Variants in CIT observed in about 807,000 individuals in gnomAD.
CIT encodes the protein citron rho-interacting serine/threonine kinase.
In CIT, 79 loss-of-function variants were observed where a neutral mutation model predicts 272.7. The ratio of observed to expected loss-of-function variants is 0.29; its 90% CI spans 0.24 to 0.35. The LOEUF (loss-of-function observed/expected upper bound fraction) is 0.35. Among genes scored for constraint, CIT ranks in the 10% least tolerant of loss-of-function variants. The pLI is 1.00. For missense variants in CIT, 1,909 were observed against 2,618.3 expected, an observed-to-expected ratio of 0.73 and a Z score of 5.91; for synonymous variants, 948 against 995.6, an observed-to-expected ratio of 0.95 and a Z score of 0.90.
intron 19 of CIT, 79 bp downstream of exon 19, chr12:119,767,008 G>A: frequency 2.0e-6 from 2 of 1,008,472 alleles, no homozygotes; most frequent in South Asian, 5.2e-5. Context: ...GCAAGAAATG[G>A]CCACAAGGGC....
chr12:119,870,922 C>G (rs1043020409), intron 2 of CIT, among the ~76,000 whole-genome samples: 3 of 151,980 alleles, frequency 2.0e-5, no homozygotes, highest in African/African-American at 7.3e-5. Context: ...AGTTCGAGAC[C>G]AGCCTGACCA....
At chr12:119,734,062 T>C in intron 26 of CIT, 102 bp downstream of exon 26, 1 of 1,307,268 alleles carries the variant, frequency 7.6e-7, no homozygotes, top group Non-Finnish European at 1.1e-6. Context: ...CCCAGGAAAC[T>C]TCTCAGTCTC....
chr12:119,817,320 G>A (rs764482245), intron 9 of CIT, among the ~76,000 whole-genome samples: 5 of 151,930 alleles, frequency 3.3e-5, no homozygotes, highest in Non-Finnish European at 7.4e-5. Context: ...GACCATCCTG[G>A]CTAACATGGT....
At chr12:119,709,459 A>G (rs929214333) in intron 39 of CIT, among the ~76,000 whole-genome samples, 33 of 152,138 alleles carry the variant, frequency 2.2e-4, no homozygotes, top group Admixed American at 7.2e-4. Flanking sequence ...AAACTGCTCT[A>G]AAGAATAAAA....
At chr12:119,760,637 A>AG (rs573788633) in intron 20 of CIT, among the ~76,000 whole-genome samples, 1 of 152,274 alleles carries the variant, frequency 6.6e-6, no homozygotes, top group South Asian at 2.1e-4. Context: ...AAAAAAAAAA[A>AG]AAAGAGCAGG....
intron 44 of CIT, among the ~76,000 whole-genome samples, chr12:119,699,085 T>A (rs1246151967): frequency 6.6e-6 from 1 of 152,040 alleles, no homozygotes; most frequent in African/African-American, 2.4e-5. Context: ...TGAAACCCTG[T>A]CTCTACTAAA....
rs1958224997 is a variant in CIT, at chr12:119,728,145, G to A, written c.3591+357C>T. 6.6e-6 allele frequency among the ~76,000 whole-genome samples: 1 copy of A among 152,206 alleles called. No homozygotes were observed. The highest frequency in any genetic ancestry group is 2.4e-5 in the African/African-American group (1 of 41,452). On this transcript the variant is annotated intron_variant, in intron 28 of 47. Coordinates refer to ENST00000392521, the MANE Select transcript of CIT (RefSeq NM_001206999.2). The surrounding 1 kb of genome is among the most constrained non-coding windows in gnomAD (Gnocchi z 4.3). ...GGGAGGGATGAACAGGCAGAGTACAGAGGGTTTTTAGGGCAGTGAAACTAT... is the reference window on the plus strand; with the variant it reads ...GGGAGGGATGAACAGGCAGAGTACAAAGGGTTTTTAGGGCAGTGAAACTAT...
intron 9 of CIT, among the ~76,000 whole-genome samples, chr12:119,818,796 C>A (rs904850687): frequency 1.3e-5 from 2 of 152,202 alleles, no homozygotes; most frequent in Non-Finnish European, 2.9e-5. Context: ...TTCCATTATG[C>A]ATTTCTCACT....
intron 13 of CIT, among the ~76,000 whole-genome samples, chr12:119,777,792 C>A (rs770009359): frequency 6.6e-6 from 1 of 151,946 alleles, no homozygotes; most frequent in Non-Finnish European, 1.5e-5. Context: ...AGGCCTAACA[C>A]AGGAGAGCCA....
intron 22 of CIT, among the ~76,000 whole-genome samples, chr12:119,756,959 T>C (rs933777917): frequency 5.3e-5 from 8 of 151,898 alleles, no homozygotes; most frequent in African/African-American, 1.9e-4. Flanking sequence ...CAAAACCCTG[T>C]CTCTACAAAA....
At chr12:119,735,920 A>T (rs1278189707) in intron 24 of CIT, among the ~76,000 whole-genome samples, 2 of 144,796 alleles carry the variant, frequency 1.4e-5, no homozygotes, top group Non-Finnish European at 1.6e-5. Flanking sequence ...ACTCAGAAAA[A>T]CCCTGAAAAT....
intron 3 of CIT, among the ~76,000 whole-genome samples, chr12:119,865,392 CA>C (rs1262754906): frequency 6.6e-6 from 1 of 152,156 alleles, no homozygotes; most frequent in Non-Finnish European, 1.5e-5. Context: ...CGAGCTTATT[CA>C]AACAAAAACA....
At chr12:119,719,553 A>T (rs895882101) in intron 30 of CIT, among the ~76,000 whole-genome samples, 1 of 152,238 alleles carries the variant, frequency 6.6e-6, no homozygotes, top group Non-Finnish European at 1.5e-5. Context: ...AGCATGCAAG[A>T]AAATCCTTCC....
intron 26 of CIT, among the ~76,000 whole-genome samples, chr12:119,733,777 G>C (rs1018533207): frequency 1.3e-5 from 2 of 152,022 alleles, no homozygotes; most frequent in African/African-American, 4.8e-5. Flanking sequence ...TAGTGCCAAG[G>C]TTGAGGAACC....
intron 44 of CIT, among the ~76,000 whole-genome samples, chr12:119,699,252 G>A (rs991603045): frequency 6.4e-5 from 5 of 78,592 alleles, no homozygotes; most frequent in East Asian, 8.6e-4. Flanking sequence ...GTGAAAATCC[G>A]ACTCAAAAAA....
At chr12:119,720,773 T>C (rs1957781805) in intron 29 of CIT, among the ~76,000 whole-genome samples, 188 bp from the exon 30 acceptor site, 1 of 152,176 alleles carries the variant, frequency 6.6e-6, no homozygotes, top group South Asian at 2.1e-4. Flanking sequence ...TATTTATAGA[T>C]AAATATGTGA....
At chr12:119,829,344 A>AGAAGAGAAGAGAAG (rs1968424850) in intron 7 of CIT, among the ~76,000 whole-genome samples, 9 of 133,344 alleles carry the variant, frequency 6.7e-5, no homozygotes, top group African/African-American at 2.8e-4. Flanking sequence ...CTTGAAAGAA[A>AGAAGAGAAGAGAAG]AGAAGAGAAG....
At chr12:119,839,439 G>A (rs1969247291) in intron 5 of CIT, among the ~76,000 whole-genome samples, 1 of 152,186 alleles carries the variant, frequency 6.6e-6, no homozygotes. Context: ...TAATGACGCT[G>A]GCGGCATCGT....
At chr12:119,834,028 A>G in intron 6 of CIT, 58 bp downstream of exon 6, 1 of 1,505,356 alleles carries the variant, frequency 6.6e-7, no homozygotes, top group Non-Finnish European at 9.0e-7. Flanking sequence ...CCATGCAGGA[A>G]CTCTTATGCG....
Sources: gnomAD v4.1 joint callset for allele counts (sites outside exome capture counted in the v4.1 genomes callset) on GRCh38, gnomAD v4.1.1 for gene constraint, Gnocchi (gnomAD v3.1) non-coding constraint, MANE v1.5 for transcripts, NCBI Gene and HGNC (gene_info 2026-07-23, HGNC 2026-07-21) for gene names.